BRD7: variants seen among roughly 807,000 people sequenced by gnomAD.
BRD7 encodes the protein bromodomain-containing protein 7.
BRD7 carries 15 observed loss-of-function variants against 82.1 expected under a neutral mutation model. The ratio of observed to expected loss-of-function variants is 0.18; its 90% confidence interval spans 0.12 to 0.28. The LOEUF is 0.28. BRD7 is among the 10% of genes least tolerant of loss of function. BRD7 has a pLI of 1.00. For synonymous variants in BRD7, 232 were observed against 266.9 expected (o/e 0.87, Z 1.27); for missense variants, 638 against 779.9 (o/e 0.82, Z 2.17).
intron 8 of BRD7, among the ~76,000 whole-genome samples, chr16:50,333,351 A>G (rs565306001): frequency 6.6e-6 from 1 of 152,330 alleles, no homozygotes; most frequent in Non-Finnish European, 1.5e-5. Flanking sequence ...CAACACGCCC[A>G]CTGTAAGTTG....
chr16:50,368,046 A>G, intron 2 of BRD7, 44 bp downstream of exon 2: 1 of 1,581,832 alleles, frequency 6.3e-7, no homozygotes, highest in Non-Finnish European at 8.7e-7. Context: ...CACCTGGAAG[A>G]GGCAGTGCCG....
chr16:50,359,743 T>C (rs2038870705), intron 2 of BRD7, among the ~76,000 whole-genome samples: 2 of 152,192 alleles, frequency 1.3e-5, no homozygotes, highest in South Asian at 4.1e-4. Flanking sequence ...AAAACAGATT[T>C]CAAGGACAGA....
intron 5 of BRD7, among the ~76,000 whole-genome samples, chr16:50,342,813 T>A (rs1363028591): frequency 1.3e-5 from 2 of 152,184 alleles, no homozygotes; most frequent in African/African-American, 4.8e-5. Flanking sequence ...AGCACTACTG[T>A]GGTTATGTAA....
At chr16:50,348,589 A>G (rs561617918) in intron 5 of BRD7, among the ~76,000 whole-genome samples, 1 of 152,318 alleles carries the variant, frequency 6.6e-6, no homozygotes, top group African/African-American at 2.4e-5. Flanking sequence ...ACCCCATCAA[A>G]AAGTGGGCAA....
intron 8 of BRD7, among the ~76,000 whole-genome samples, chr16:50,329,890 A>T (rs1271346942): frequency 6.6e-6 from 1 of 152,222 alleles, no homozygotes. Flanking sequence ...ACATATGTCT[A>T]CTGTTTTAAC....
chr16:50,341,066 G>T (rs1038587246), intron 5 of BRD7, among the ~76,000 whole-genome samples: 1 of 151,986 alleles, frequency 6.6e-6, no homozygotes, highest in Non-Finnish European at 1.5e-5. Flanking sequence ...AATAAATTTG[G>T]TATTAAAGTG....
chr16:50,350,212 A>G (rs2038461202), intron 4 of BRD7, 45 bp from the exon 5 acceptor site: 2 of 1,415,146 alleles, frequency 1.4e-6, no homozygotes, highest in Middle Eastern at 1.8e-4. Context: ...ATTCTATTAC[A>G]AACAAATCTA....
Position 50,338,828 on chromosome 16 carries a change from G to A in BRD7, c.702+1148C>T, listed in dbSNP as rs145435308. On this transcript the variant is annotated intron_variant, in intron 6 of 16. Coordinates refer to ENST00000394688, the MANE Select transcript of BRD7 (RefSeq NM_013263.5). ...CAAGTTAGTGGAAGAGAGCTAAAAT[G>A]AAAACTCTCTTCTGCCTGCCTGCCA... Among the ~76,000 whole-genome samples the A allele has an allele frequency of 6.4e-3, 972 of 152,258 alleles. 14 individuals carry two copies. Among genetic ancestry groups the A allele is most frequent in the African/African-American group, 0.022 (912 of 41,544 alleles).
chr16:50,336,952 C>T (rs2037826951), intron 6 of BRD7, among the ~76,000 whole-genome samples: 1 of 152,130 alleles, frequency 6.6e-6, no homozygotes, highest in Admixed American at 6.5e-5. Flanking sequence ...AGGGCTGGTT[C>T]TTTGCTAATA....
chr16:50,323,786 CT>C, intron 11 of BRD7, 88 bp from the exon 12 acceptor site: 1 of 872,364 alleles, frequency 1.1e-6, no homozygotes, highest in South Asian at 1.4e-5. Flanking sequence ...ACTAGATGTC[CT>C]CGGTTATACA....
chr16:50,349,830 A>G (rs75424846), intron 5 of BRD7, among the ~76,000 whole-genome samples, 193 bp downstream of exon 5: 2,415 of 152,366 alleles, frequency 0.016, 63 homozygotes, highest in African/African-American at 0.055. Flanking sequence ...TGAATGAAAG[A>G]TATCAGAGGA....
At position 50,354,475 on chromosome 16, in the gene BRD7, T is replaced by C. The variant is rs367690529; in HGVS notation, c.396A>G (p.Glu132=). ...TCAAAGCTTCTTGAAGGGGTGTCTG[T>C]TCTACTTCTAAAGCAAAGAAGAAGG... ...TSSLAKQEEV[E]QTPLQEALNQ... is the part of the protein sequence containing the mutation. The change falls in exon 4 of 17, where the codon GAA becomes GAG. Residue 132 remains glutamate (E), a synonymous_variant. Coordinates refer to ENST00000394688, the MANE Select transcript of BRD7 (RefSeq NM_013263.5). 1 of 1,611,614 alleles carries C rather than the reference T, an allele frequency of 6.2e-7. No homozygotes were observed. Among genetic ancestry groups the C allele is most frequent in the Non-Finnish European group, 8.5e-7 (1 of 1,179,002 alleles).
intron 2 of BRD7, among the ~76,000 whole-genome samples, chr16:50,362,098 C>A (rs1269956997): frequency 2.0e-5 from 3 of 152,202 alleles, no homozygotes; most frequent in Admixed American, 2.0e-4. Context: ...CCCATGTTAA[C>A]TGAACATATA....
At chr16:50,339,654 C>G (rs751270790) in intron 6 of BRD7, among the ~76,000 whole-genome samples, 1 of 152,178 alleles carries the variant, frequency 6.6e-6, no homozygotes, top group Admixed American at 6.5e-5. Context: ...AAACAGAGAG[C>G]TTTCCTCTTC....
intron 5 of BRD7, among the ~76,000 whole-genome samples, chr16:50,341,950 A>T (rs1385654219): frequency 1.3e-5 from 2 of 151,826 alleles, no homozygotes; most frequent in Admixed American, 6.6e-5. Flanking sequence ...ACACACACAC[A>T]CACACACACA....
At chr16:50,321,261 C>G (rs2037087731) in intron 13 of BRD7, among the ~76,000 whole-genome samples, 1 of 152,142 alleles carries the variant, frequency 6.6e-6, no homozygotes, top group Non-Finnish European at 1.5e-5. Context: ...GAAACAAAAT[C>G]TTAAAAAGGA....
chr16:50,325,195 C>G (rs978019457), intron 11 of BRD7, among the ~76,000 whole-genome samples: 2 of 152,144 alleles, frequency 1.3e-5, no homozygotes, highest in African/African-American at 4.8e-5. Flanking sequence ...TTGATGGGAT[C>G]CAAACTGCTC....
At chr16:50,355,436 G>C (rs1220647582) in intron 2 of BRD7, among the ~76,000 whole-genome samples, 1 of 152,224 alleles carries the variant, frequency 6.6e-6, no homozygotes, top group African/African-American at 2.4e-5. Context: ...AAAAAGGTCA[G>C]AGTAAGATGA....
At chr16:50,334,377 G>A (rs548888210) in intron 7 of BRD7, among the ~76,000 whole-genome samples, 1 of 152,306 alleles carries the variant, frequency 6.6e-6, no homozygotes, top group East Asian at 1.9e-4. Context: ...TTTATGGAAG[G>A]AGGTAATGAC....
Sources: allele counts gnomAD v4.1 joint callset (sites outside exome capture counted in the v4.1 genomes callset), GRCh38; gene constraint gnomAD v4.1.1; transcripts MANE v1.5; gene names NCBI Gene and HGNC (gene_info 2026-07-23, HGNC 2026-07-21).